ZNF486: variants seen among roughly 807,000 people sequenced by gnomAD.
ZNF486 encodes the protein KRAB box only protein 2.
ZNF486 carries 12 observed loss-of-function variants against 12.8 expected under a neutral mutation model. The ratio of observed to expected loss-of-function variants is 0.94; its 90% CI spans 0.60 to 1.52. The LOEUF (loss-of-function observed/expected upper bound fraction) is 1.52, where lower values mean the gene tolerates loss of function less well. Ranked by LOEUF, ZNF486 falls within the 40% of genes most tolerant of loss-of-function variation. ZNF486 has a pLI of 0.00. For synonymous variants in ZNF486, 231 were observed against 184.9 expected (o/e 1.25, Z -2.02); for missense variants, 738 against 545.0 (o/e 1.35, Z -3.53).
In ZNF486 at chr19:20,196,881, G is replaced by C. The variant is rs187888930; in HGVS notation, c.254-83G>C. 500 of 1,448,338 alleles carry C rather than the reference G, an allele frequency of 3.5e-4. 5 individuals carry two copies. The East Asian group carries it at 0.011, about 32-fold the overall frequency. 89.7% of individuals were successfully genotyped at this position (1,448,338 alleles called of 1,614,324 possible). ...CTATGTCATCTTGCTTATGTAGTTT[G>C]TATAATTTTATAGGTTAGATTTGTA... On this transcript the variant is annotated intron_variant, in intron 3 of 3. Coordinates refer to ENST00000335117, the MANE Select transcript of ZNF486 (RefSeq NM_052852.4).
intron 1 of ZNF486, among the ~76,000 whole-genome samples, chr19:20,173,310 T>C (rs2089670374): frequency 2.0e-5 from 3 of 152,218 alleles, no homozygotes; most frequent in Admixed American, 1.3e-4. Context: ...CACCATTTAT[T>C]AAAGAGAGAA....
At chr19:20,196,215 C>A (rs191554601) in intron 3 of ZNF486, among the ~76,000 whole-genome samples, 1 of 152,122 alleles carries the variant, frequency 6.6e-6, no homozygotes, top group African/African-American at 2.4e-5. Context: ...GGGGTTTTAC[C>A]GTGTTGGTCA....
In ZNF486 at chr19:20,197,395, A is replaced by G. The variant is rs2089970052; in HGVS notation, c.685A>G (p.Lys229Glu). 1.2e-6 allele frequency: 2 copies of G among 1,613,298 alleles called. No individual in the cohort carries two copies. Among genetic ancestry groups the G allele is most frequent in the Non-Finnish European group, 1.7e-6 (2 of 1,179,500 alleles). ...CCGGTCCTCACACCTTACTACACAT[A>G]AGATAACTCATACTAGAGAGAAACC... ...FNRSSHLTTHKITHTREKPYK... is the reference protein window; with the variant it reads ...FNRSSHLTTHEITHTREKPYK... The change falls in exon 4 of 4, where the codon AAG becomes GAG. Residue 229 changes from lysine (K) to glutamate (E), a missense_variant. By Grantham distance (56) the Lys-to-Glu change is moderately conservative. Transcript: ENST00000335117.
At chr19:20,181,543 C>CAAAAA (rs66504246) in intron 1 of ZNF486, among the ~76,000 whole-genome samples, 38 of 127,990 alleles carry the variant, frequency 3.0e-4, no homozygotes, top group South Asian at 1.2e-3. Context: ...TCTCAAAAAA[C>CAAAAA]AAAAAAAAAA....
chr19:20,195,648 C>T lies in ZNF486; in HGVS notation c.254-1316C>T, dbSNP rs551679681. On this transcript the variant is annotated intron_variant, in intron 3 of 3. Transcript: ENST00000335117. ...ACAATCTTTATAATATAGCTTTGTC[C>T]TGGCGTAGCATGAAATCAATTGTCT... Among the ~76,000 whole-genome samples the T allele has an allele frequency of 1.7e-4, 26 of 152,258 alleles. 1 individual carries two copies. The highest frequency in any genetic ancestry group is 1.0e-3 in the South Asian group (5 of 4,828).
chr19:20,169,482 C>G (rs1035463945), intron 1 of ZNF486, among the ~76,000 whole-genome samples: 1 of 152,134 alleles, frequency 6.6e-6, no homozygotes, highest in Non-Finnish European at 1.5e-5. Flanking sequence ...CCTGCTCACC[C>G]CACCCATGGA....
intron 1 of ZNF486, among the ~76,000 whole-genome samples, chr19:20,182,905 G>GA (rs1219974226): frequency 1.1e-4 from 17 of 151,772 alleles, no homozygotes; most frequent in African/African-American, 4.1e-4. Flanking sequence ...AGGAGGAGGA[G>GA]AAAAAAAAGT....
chr19:20,178,141 TGGTCTAGAACTC>T, intron 1 of ZNF486, among the ~76,000 whole-genome samples: 1 of 151,642 alleles, frequency 6.6e-6, no homozygotes, highest in African/African-American at 2.4e-5. Flanking sequence ...TTGGCCAGGC[TGGTCTAGAACTC>T]TTGACCTCAG....
At chr19:20,170,378 CAACACGGTGAA>C (rs2089636224) in intron 1 of ZNF486, among the ~76,000 whole-genome samples, 1 of 151,778 alleles carries the variant, frequency 6.6e-6, no homozygotes, top group African/African-American at 2.4e-5. Flanking sequence ...ACAGCCTGGC[CAACACGGTGAA>C]AACATGGTGT....
At chr19:20,169,590 G>C (rs1403432632) in intron 1 of ZNF486, among the ~76,000 whole-genome samples, 1 of 152,118 alleles carries the variant, frequency 6.6e-6, no homozygotes, top group Admixed American at 6.6e-5. Context: ...GGGTCTTACT[G>C]ATAATAAAGC....
At chr19:20,187,407 C>T (rs1294785755) in intron 3 of ZNF486, among the ~76,000 whole-genome samples, 4 of 151,476 alleles carry the variant, frequency 2.6e-5, no homozygotes, top group Admixed American at 6.6e-5. Flanking sequence ...CTGCCACATG[C>T]TTCCAGTGCT....
intron 1 of ZNF486, among the ~76,000 whole-genome samples, chr19:20,183,771 T>C (rs2089812171): frequency 6.6e-6 from 1 of 152,166 alleles, no homozygotes; most frequent in Non-Finnish European, 1.5e-5. Flanking sequence ...AACATATTTT[T>C]CTTAGGGAAA....
Position 20,198,148 on chromosome 19 carries a change from C to G in ZNF486, c.*46C>G. The G allele has an allele frequency of 6.7e-7, 1 of 1,482,180 alleles. No individual in the cohort carries two copies. Among genetic ancestry groups the G allele is most frequent in the African/African-American group, 1.4e-5 (1 of 70,690 alleles). 91.8% of individuals were successfully genotyped at this position (1,482,180 alleles called of 1,614,324 possible). The stretch of plus-strand genomic sequence containing the variant: ...ATTATTTTTTTGAGAGGTAATTCTG[C>G]TGTTGTTTCCCAGGCTGGAGTGCAA... On this transcript the variant is annotated 3_prime_UTR_variant, in exon 4 of 4. Coordinates refer to ENST00000335117, the MANE Select transcript of ZNF486 (RefSeq NM_052852.4).
intron 1 of ZNF486, among the ~76,000 whole-genome samples, chr19:20,175,928 C>A (rs1408563253): frequency 6.6e-6 from 1 of 151,696 alleles, no homozygotes; most frequent in Non-Finnish European, 1.5e-5. Flanking sequence ...GCGCCCCTCA[C>A]CTCCCGGATG....
At chr19:20,181,454 G>A (rs1486723752) in intron 1 of ZNF486, among the ~76,000 whole-genome samples, 3 of 151,602 alleles carry the variant, frequency 2.0e-5, no homozygotes, top group African/African-American at 7.3e-5. Context: ...CAGGAGAATG[G>A]CGTGAACCCA....
chr19:20,170,036 GC>G (rs1472255795), intron 1 of ZNF486, among the ~76,000 whole-genome samples: 1 of 151,430 alleles, frequency 6.6e-6, no homozygotes, highest in South Asian at 2.1e-4. Context: ...GACTACAGGC[GC>G]CCGCCACCAC....
intron 1 of ZNF486, among the ~76,000 whole-genome samples, chr19:20,182,427 A>G (rs183517469): frequency 4.1e-4 from 62 of 152,358 alleles, no homozygotes; most frequent in Non-Finnish European, 5.6e-4. Flanking sequence ...CCCTCCCCAC[A>G]GCTTCTGTTT....
At chr19:20,195,625 A>T (rs2089950773) in intron 3 of ZNF486, among the ~76,000 whole-genome samples, 1 of 152,216 alleles carries the variant, frequency 6.6e-6, no homozygotes, top group Non-Finnish European at 1.5e-5. Context: ...TACCTGTTAC[A>T]ATCTTTATAA....
chr19:20,188,750 T>G, intron 3 of ZNF486: 1 of 297,490 alleles, frequency 3.4e-6, no homozygotes. Context: ...TAAAACTCAA[T>G]ACCCATTAAA....
Sources: allele counts gnomAD v4.1 joint callset (sites outside exome capture counted in the v4.1 genomes callset), GRCh38; gene constraint gnomAD v4.1.1; transcripts MANE v1.5; gene names NCBI Gene and HGNC (gene_info 2026-07-23, HGNC 2026-07-21).